Variants in TGM4 observed in about 807,000 individuals in gnomAD.
TGM4 encodes protein-glutamine gamma-glutamyltransferase 4.
A neutral mutation model predicts 76.3 loss-of-function variants in TGM4; 61 were observed. The ratio of observed to expected loss-of-function variants is 0.80; its 90% CI spans 0.65 to 0.99. TGM4 has a LOEUF of 0.99. Among genes scored for constraint, TGM4 ranks in the 50% least tolerant of loss-of-function variants. The pLI, the probability that TGM4 is intolerant of heterozygous loss-of-function variation, is 0.00. For synonymous variants in TGM4, 337 were observed against 329.8 expected (o/e 1.02, Z -0.24); for missense variants, 794 against 843.2 (o/e 0.94, Z 0.72).
intron 6 of TGM4, 119 bp downstream of exon 6, chr3:44,896,935 C>A: frequency 6.1e-6 from 4 of 651,792 alleles, no homozygotes; most frequent in East Asian, 2.8e-5. Context: ...TATGGCCAAT[C>A]AATTGTTCAA....
chr3:44,885,603 C>G, intron 2 of TGM4, 105 bp downstream of exon 2: 2 of 1,174,630 alleles, frequency 1.7e-6, no homozygotes, highest in Non-Finnish European at 2.4e-6. Flanking sequence ...AGTGCCTTAC[C>G]CTCCCTGATC....
intron 13 of TGM4, among the ~76,000 whole-genome samples, chr3:44,913,072 C>A (rs536693603): frequency 2.6e-5 from 4 of 152,316 alleles, no homozygotes; most frequent in Admixed American, 1.3e-4. Flanking sequence ...AATGTGCACA[C>A]AAATTACCTG....
intron 2 of TGM4, 81 bp from the exon 3 acceptor site, chr3:44,887,608 C>T: frequency 7.8e-7 from 1 of 1,290,026 alleles, no homozygotes; most frequent in Non-Finnish European, 1.1e-6. Context: ...CATGAGTGGG[C>T]AGTAGGTGGG....
intron 8 of TGM4, among the ~76,000 whole-genome samples, chr3:44,903,189 C>G (rs1699877395): frequency 6.6e-6 from 1 of 152,138 alleles, no homozygotes; most frequent in African/African-American, 2.4e-5. Context: ...CTGGCTTTTC[C>G]TATATACACA....
chr3:44,901,096 C>T lies in TGM4; in HGVS notation c.658-428C>T, dbSNP rs115242574. Among the ~76,000 whole-genome samples, 1,067 of 152,218 alleles carry T rather than the reference C, an allele frequency of 7.0e-3. 14 individuals are homozygous for T. Among genetic ancestry groups the T allele is most frequent in the African/African-American group, 0.024 (1,000 of 41,528 alleles). On this transcript the variant is annotated intron_variant, in intron 6 of 13. Transcript: ENST00000296125. ...TCTACAAAAAACTACAAAAATTAACCAAGTGTGGTGGCGTGCGCCTGTAGT... is the reference window on the plus strand; with the variant it reads ...TCTACAAAAAACTACAAAAATTAACTAAGTGTGGTGGCGTGCGCCTGTAGT...
intron 4 of TGM4, 69 bp from the exon 5 acceptor site, chr3:44,893,508 C>T (rs1382678369): frequency 3.0e-6 from 4 of 1,327,698 alleles, no homozygotes; most frequent in East Asian, 2.3e-5. Context: ...CACAGACAGT[C>T]CCCATTGGCA....
At chr3:44,884,456 C>G (rs1008298948) in intron 1 of TGM4, among the ~76,000 whole-genome samples, 2 of 152,112 alleles carry the variant, frequency 1.3e-5, no homozygotes, top group Admixed American at 6.6e-5. Context: ...ACTGAATGTA[C>G]TTTTCACTTT....
At chr3:44,897,000 C>CTTT (rs59154155) in intron 6 of TGM4, among the ~76,000 whole-genome samples, 184 bp downstream of exon 6, 115 of 103,930 alleles carry the variant, frequency 1.1e-3, no homozygotes, top group Non-Finnish European at 1.3e-3. Flanking sequence ...GTTTTCTTTT[C>CTTT]TTTTTTTTTT....
At chr3:44,888,042 C>A (rs1699637236) in intron 3 of TGM4, 3 of 507,074 alleles carry the variant, frequency 5.9e-6, no homozygotes, top group Middle Eastern at 4.6e-4. Context: ...TCAAAGGGAA[C>A]AATGTTCACT....
chr3:44,908,577 C>T (rs1699957855), intron 10 of TGM4, among the ~76,000 whole-genome samples: 1 of 141,864 alleles, frequency 7.0e-6, no homozygotes, highest in African/African-American at 2.6e-5. Context: ...ACTAGATAAT[C>T]TTATGACCTG....
chr3:44,888,330 C>T (rs1390987681), intron 3 of TGM4: 3 of 155,710 alleles, frequency 1.9e-5, no homozygotes, highest in Non-Finnish European at 4.3e-5. Flanking sequence ...ATGTCTCGGC[C>T]AGATCTTTGG....
chr3:44,875,090 T>C (rs1395257791), intron 1 of TGM4, among the ~76,000 whole-genome samples: 2 of 152,198 alleles, frequency 1.3e-5, no homozygotes, highest in Non-Finnish European at 2.9e-5. Context: ...TTGGTGTGTA[T>C]TTCCTAAAGA....
chr3:44,908,071 G>A (rs915155177), intron 10 of TGM4, among the ~76,000 whole-genome samples: 1 of 152,196 alleles, frequency 6.6e-6, no homozygotes, highest in Admixed American at 6.5e-5. Context: ...ATAGTTACAA[G>A]CAGGTCAGTT....
chr3:44,884,209 C>T (rs1006764658), intron 1 of TGM4, among the ~76,000 whole-genome samples: 2 of 152,184 alleles, frequency 1.3e-5, no homozygotes, highest in Non-Finnish European at 2.9e-5. Flanking sequence ...ACAATTGTAT[C>T]AGAATCGCTG....
In TGM4 at chr3:44,903,902, G is replaced by A. The variant is rs776173091; in HGVS notation, c.990G>A (p.Thr330=). ...HDSVWNFHVW[T]DAWMKRPDLP... ...GCGGCAGGAATTTCCATGTGTGGAC[G>A]GATGCCTGGATGAAGCGACCGGATC... is the stretch of plus-strand genomic sequence containing the variant. The change falls in exon 9 of 14, where the codon ACG becomes ACA. Residue 330 remains threonine, a synonymous_variant. Coordinates refer to ENST00000296125, the MANE Select transcript of TGM4 (RefSeq NM_003241.4). 5.0e-6 allele frequency: 8 copies of A among 1,614,086 alleles called. No individual in the cohort carries two copies. The highest frequency in any genetic ancestry group is 1.1e-5 in the South Asian group (1 of 91,088).
In TGM4 at chr3:44,893,635, G is replaced by A. The variant is rs375116503; in HGVS notation, c.489G>A (p.Thr163=). 8.1e-6 allele frequency: 13 copies of A among 1,613,754 alleles called. No homozygotes were observed. Among genetic ancestry groups the A allele is most frequent in the South Asian group, 1.1e-5 (1 of 91,088 alleles). ...GCAAAGAGTACATCCTCAATGACAC[G>A]GGCTGCCATTACGTGGGGGCTGCCA... ...DERKEYILND[T]GCHYVGAARS... is the part of the protein sequence containing the mutation. Residue 163 remains threonine, a synonymous_variant, in exon 5 of 14, where the codon ACG becomes ACA. Transcript: ENST00000296125.
intron 1 of TGM4, among the ~76,000 whole-genome samples, chr3:44,879,265 C>CTCTCTCTCTCTCTCTATATATATA (rs1482970491): frequency 1.1e-5 from 1 of 92,294 alleles, no homozygotes; most frequent in African/African-American, 4.4e-5. Context: ...CTCTCTCTCT[C>CTCTCTCTCTCTCTCTATATATATA]TATATATATA....
Position 44,907,033 on chromosome 3 carries a change from C to T in TGM4, c.1160C>T (p.Ser387Leu). The T allele has an allele frequency of 6.2e-7, 1 of 1,614,130 alleles. No individual in the cohort carries two copies. The highest frequency in any genetic ancestry group is 8.5e-7 in the Non-Finnish European group (1 of 1,180,026). ...GTCTATGACACCAGATTCGTCTTCT[C>T]AGAAGTGAATGGTGACAGGCTCATC... Reference protein sequence around the residue: ...FIVYDTRFVFSEVNGDRLIWL... With the variant: ...FIVYDTRFVFLEVNGDRLIWL... Residue 387 changes from serine to leucine, a missense_variant, in exon 10 of 14, where the codon TCA becomes TTA. Transcript: ENST00000296125.
chr3:44,886,372 A>G (rs980752218), intron 2 of TGM4, among the ~76,000 whole-genome samples: 1 of 152,204 alleles, frequency 6.6e-6, no homozygotes, highest in African/African-American at 2.4e-5. Context: ...GATCTACTTT[A>G]CAAGATGGCA....
Sources: allele counts gnomAD v4.1 joint callset (sites outside exome capture counted in the v4.1 genomes callset), GRCh38; gene constraint gnomAD v4.1.1; transcripts MANE v1.5; gene names NCBI Gene and HGNC (gene_info 2026-07-23, HGNC 2026-07-21).